ANO2: variants seen among roughly 807,000 people sequenced by gnomAD.
ANO2 encodes the protein anoctamin-2.
A neutral mutation model predicts 124.2 loss-of-function variants in ANO2; 101 were observed. That is an observed-to-expected ratio of 0.81 (90% CI 0.69 to 0.96). The LOEUF is 0.96. Among genes scored for constraint, ANO2 ranks in the 40% least tolerant of loss-of-function variants. The probability of loss-of-function intolerance (pLI) is 0.00; values close to 1 mark genes in which losing one functional copy is unlikely to be tolerated. For synonymous variants in ANO2, 486 were observed against 482.5 expected (o/e 1.01, Z -0.09); for missense variants, 1,293 against 1,274.5 (o/e 1.01, Z -0.22).
At position 5,870,107 on chromosome 12, in the gene ANO2, A is replaced by T. The variant is rs554866303; in HGVS notation, c.535-15966T>A. 6 of 152,546 alleles carry T rather than the reference A, an allele frequency of 3.9e-5. No individual in the cohort carries two copies. The East Asian group carries it at 1.2e-3, about 29-fold the overall frequency. 9.4% of individuals were successfully genotyped at this position (152,546 alleles called of 1,614,324 possible). A position where few individuals can be genotyped will look rare whatever the true frequency, so the allele number is the denominator to read the frequency against. The stretch of plus-strand genomic sequence containing the variant: ...AGCCCACCATGGCACCAGGGACAAC[A>T]GAGGGGAAAGTAAAAAGGCAAATGT... On this transcript the variant is annotated intron_variant, in intron 3 of 24. Coordinates refer to ENST00000682330, the MANE Select transcript of ANO2 (RefSeq NM_001364791.2).
chr12:5,812,704 AAAG>A (rs796202384), intron 7 of ANO2, among the ~76,000 whole-genome samples: 13 of 18,132 alleles, frequency 7.2e-4, no homozygotes, highest in African/African-American at 1.7e-3. Context: ...AAGAGAAAGA[AAAG>A]AAGAAGAAGG....
At chr12:5,807,442 A>C in intron 7 of ANO2, 74 bp from the exon 8 acceptor site, 1 of 1,352,350 alleles carries the variant, frequency 7.4e-7, no homozygotes, top group Admixed American at 2.1e-5. Context: ...TTTTTTGATA[A>C]ATAAGCTTTC....
intron 20 of ANO2, among the ~76,000 whole-genome samples, chr12:5,586,095 C>A (rs77412377): frequency 4.6e-5 from 7 of 152,256 alleles, no homozygotes; most frequent in African/African-American, 1.7e-4. Context: ...GCCTTCCCTC[C>A]ATTCCTTCCT....
intron 3 of ANO2, among the ~76,000 whole-genome samples, chr12:5,903,052 G>A (rs972735395): frequency 2.6e-5 from 4 of 151,628 alleles, no homozygotes; most frequent in Non-Finnish European, 4.4e-5. Flanking sequence ...TCTTGGAAGA[G>A]CTTTAGAGAC....
At chr12:5,601,407 GA>G (rs1306449088) in intron 19 of ANO2, among the ~76,000 whole-genome samples, 29 of 151,730 alleles carry the variant, frequency 1.9e-4, no homozygotes, top group Non-Finnish European at 4.0e-4. Context: ...AAATTTCTAA[GA>G]AAAAAGTAAG....
intron 9 of ANO2, among the ~76,000 whole-genome samples, chr12:5,802,590 G>GACCA (rs1431632010): frequency 6.6e-6 from 1 of 152,168 alleles, no homozygotes; most frequent in Non-Finnish European, 1.5e-5. Flanking sequence ...TCCCAGAAGG[G>GACCA]ACCAGCACTC....
chr12:5,875,611 A>G (rs1038441746), intron 3 of ANO2, among the ~76,000 whole-genome samples: 1 of 152,210 alleles, frequency 6.6e-6, no homozygotes. Flanking sequence ...AATAACTACC[A>G]CTAACGCATT....
chr12:5,749,735 A>C (rs1295059557), intron 11 of ANO2, among the ~76,000 whole-genome samples: 2 of 152,168 alleles, frequency 1.3e-5, no homozygotes, highest in African/African-American at 4.8e-5. Flanking sequence ...TTATTTCCAC[A>C]TATTTTGATT....
chr12:5,692,140 G>A (rs1013043351), intron 14 of ANO2, among the ~76,000 whole-genome samples: 10 of 152,158 alleles, frequency 6.6e-5, no homozygotes, highest in Admixed American at 6.5e-4. Context: ...GGCGGATGAT[G>A]CAATACCCCT....
chr12:5,720,576 T>C (rs541982000), intron 14 of ANO2, among the ~76,000 whole-genome samples: 10 of 152,378 alleles, frequency 6.6e-5, no homozygotes, highest in African/African-American at 2.4e-4. Flanking sequence ...CCCAATGGTA[T>C]GTGCTGGCCT....
At position 5,769,533 on chromosome 12, in the gene ANO2, G is replaced by GA. The variant is rs1311680448; in HGVS notation, c.1056-18564dup. On this transcript the variant is annotated intron_variant, in intron 10 of 24. Coordinates refer to ENST00000682330, the MANE Select transcript of ANO2 (RefSeq NM_001364791.2). This position sits in a 1 kb window ranked among gnomAD's most constrained non-coding sequence, Gnocchi z 4.0. ...AAGAAAAACAAAGCAGGCAGAAACC[G>GA]AGTCACAGCATTGGCAGAATCCTCA... Among the ~76,000 whole-genome samples, 6 of 152,170 alleles carry GA rather than the reference G, an allele frequency of 3.9e-5. No homozygotes were observed. The highest frequency in any genetic ancestry group is 1.4e-4 in the African/African-American group (6 of 41,428).
chr12:5,671,281 C>T (rs1947988421), intron 14 of ANO2, among the ~76,000 whole-genome samples: 1 of 152,136 alleles, frequency 6.6e-6, no homozygotes, highest in Non-Finnish European at 1.5e-5. Flanking sequence ...ACTGGGCAGG[C>T]ATTGCTGAAG....
At chr12:5,863,547 C>T (rs1248345615) in intron 3 of ANO2, among the ~76,000 whole-genome samples, 5 of 152,092 alleles carry the variant, frequency 3.3e-5, no homozygotes, top group African/African-American at 1.2e-4. Context: ...AATAATACCA[C>T]TTGGAGGAGA....
intron 23 of ANO2, among the ~76,000 whole-genome samples, chr12:5,574,740 A>G (rs1415679615): frequency 6.6e-6 from 1 of 152,172 alleles, no homozygotes; most frequent in Non-Finnish European, 1.5e-5. Context: ...ACTCTAGCCC[A>G]TTGTCCTCAC....
chr12:5,840,971 A>G (rs1392604568), intron 4 of ANO2, among the ~76,000 whole-genome samples: 1 of 152,160 alleles, frequency 6.6e-6, no homozygotes, highest in East Asian at 1.9e-4. Context: ...AACAATAGGA[A>G]AGGGGTGCAA....
chr12:5,931,300 C>A (rs1190732844), intron 1 of ANO2, among the ~76,000 whole-genome samples: 3 of 152,110 alleles, frequency 2.0e-5, no homozygotes, highest in African/African-American at 7.2e-5. Flanking sequence ...GCTCCAAGCA[C>A]AGCAAATGAC....
intron 19 of ANO2, among the ~76,000 whole-genome samples, chr12:5,605,850 C>T (rs1944195419): frequency 6.6e-6 from 1 of 152,100 alleles, no homozygotes; most frequent in Non-Finnish European, 1.5e-5. Flanking sequence ...ATGAAGTAAT[C>T]TCAGAAGGAG....
At chr12:5,571,554 C>T (rs190808893) in intron 23 of ANO2, among the ~76,000 whole-genome samples, 4 of 152,320 alleles carry the variant, frequency 2.6e-5, no homozygotes, top group Middle Eastern at 3.4e-3. Flanking sequence ...AAGTTCCCAA[C>T]GCTATTTGCC....
At chr12:5,943,723 C>A (rs769669366) in intron 1 of ANO2, among the ~76,000 whole-genome samples, 10 of 152,184 alleles carry the variant, frequency 6.6e-5, no homozygotes, top group Non-Finnish European at 1.5e-4. Context: ...GACAATAACA[C>A]CGTCCCTAGC....
Sources: allele counts gnomAD v4.1 joint callset (sites outside exome capture counted in the v4.1 genomes callset), GRCh38; gene constraint gnomAD v4.1.1; non-coding constraint Gnocchi (gnomAD v3.1); transcripts MANE v1.5; gene names NCBI Gene and HGNC (gene_info 2026-07-23, HGNC 2026-07-21).